The following ZDHHC7 variants were observed in gnomAD, a reference collection of about 807,000 sequenced individuals.
ZDHHC7 encodes the protein palmitoyltransferase ZDHHC7.
A neutral mutation model predicts 34.1 loss-of-function variants in ZDHHC7; 12 were observed. The observed-to-expected ratio is 0.35, with a 90% CI of 0.23 to 0.57. ZDHHC7 has a LOEUF of 0.57. Ranked by LOEUF, ZDHHC7 falls within the 20% of genes least tolerant of loss-of-function variation. The pLI is 0.84. For synonymous variants in ZDHHC7, 185 were observed against 155.4 expected, an observed-to-expected ratio of 1.19 and a Z score of -1.42; for missense variants, 388 against 402.7, an observed-to-expected ratio of 0.96 and a Z score of 0.31.
Position 84,992,245 on chromosome 16 carries a change from G to A in ZDHHC7, c.-17-1610C>T, listed in dbSNP as rs367651615. Reference sequence around the variant, plus strand: ...AGCGCTTTCAGAGGCAGAGGCCGGTGGATCACGAGGTTACAAGTTCAAGAC... The same window carrying A: ...AGCGCTTTCAGAGGCAGAGGCCGGTAGATCACGAGGTTACAAGTTCAAGAC... On this transcript the variant is annotated intron_variant, in intron 2 of 7. Transcript: ENST00000313732. 1.7e-3 allele frequency among the ~76,000 whole-genome samples: 256 copies of A among 152,010 alleles called. 1 individual carries two copies. Among genetic ancestry groups the A allele is most frequent in the African/African-American group, 5.9e-3 (245 of 41,476 alleles).
chr16:85,025,448 C>T, the ZDHHC7 span, among the ~76,000 whole-genome samples: 9 of 151,958 alleles, frequency 5.9e-5, no homozygotes, highest in South Asian at 4.2e-4. Context: ...CTCACTCCGT[C>T]GACAGGCTGG....
chr16:84,990,760 G>A (rs2072499541), intron 2 of ZDHHC7, 125 bp from the exon 3 acceptor site: 2 of 753,036 alleles, frequency 2.7e-6, no homozygotes, highest in South Asian at 1.9e-5. Context: ...TAGTGGGAAA[G>A]AACATAAAAA....
At chr16:84,980,281 CT>C (rs111644048) in intron 4 of ZDHHC7, among the ~76,000 whole-genome samples, 6,934 of 151,906 alleles carry the variant, frequency 0.046, 519 homozygotes, top group African/African-American at 0.16. Flanking sequence ...TCACCTTCTT[CT>C]TATTCATTGA....
intron 3 of ZDHHC7, among the ~76,000 whole-genome samples, chr16:84,982,416 G>T (rs2072382821): frequency 6.6e-6 from 1 of 151,358 alleles, no homozygotes; most frequent in South Asian, 2.1e-4. Context: ...TTATCCTTTT[G>T]ATAAATGGCT....
At chr16:84,989,222 T>A (rs1364949714) in intron 3 of ZDHHC7, among the ~76,000 whole-genome samples, 1 of 152,252 alleles carries the variant, frequency 6.6e-6, no homozygotes, top group Non-Finnish European at 1.5e-5. Context: ...AGCTGCCCTC[T>A]GGTTGGGCCT....
At chr16:85,010,052 T>TG (rs2072770608) in intron 1 of ZDHHC7, among the ~76,000 whole-genome samples, 1 of 151,074 alleles carries the variant, frequency 6.6e-6, no homozygotes, top group African/African-American at 2.4e-5. Context: ...TGACTTTTTT[T>TG]TTTTTTTTGA....
chr16:85,004,405 G>A (rs1200349757), intron 1 of ZDHHC7, among the ~76,000 whole-genome samples: 1 of 152,058 alleles, frequency 6.6e-6, no homozygotes, highest in Non-Finnish European at 1.5e-5. Flanking sequence ...TCATGCCTCT[G>A]CTCACCCAAC....
chr16:85,027,260 CATTT>C, the ZDHHC7 span, among the ~76,000 whole-genome samples: 20 of 151,996 alleles, frequency 1.3e-4, no homozygotes, highest in East Asian at 1.2e-3. Context: ...ATTTTTATAC[CATTT>C]ATTTATTATT....
At chr16:84,994,886 C>T (rs1369321746) in intron 2 of ZDHHC7, among the ~76,000 whole-genome samples, 2 of 152,174 alleles carry the variant, frequency 1.3e-5, no homozygotes, top group African/African-American at 4.8e-5. Flanking sequence ...AAATACAGCT[C>T]TCAGTAACAC....
upstream of ZDHHC7, among the ~76,000 whole-genome samples, chr16:85,015,913 A>C (rs2072832186): frequency 6.6e-6 from 1 of 152,106 alleles, no homozygotes; most frequent in East Asian, 1.9e-4. Context: ...TGATGCTATA[A>C]TAGAGTCAGG....
chr16:85,026,786 G>A, the ZDHHC7 span, among the ~76,000 whole-genome samples: 1 of 151,932 alleles, frequency 6.6e-6, no homozygotes, highest in Non-Finnish European at 1.5e-5. Flanking sequence ...GACAGAGCTT[G>A]ATCATTTAAG....
chr16:84,988,679 A>C lies in ZDHHC7; in HGVS notation c.315+1625T>G, dbSNP rs996479744. On this transcript the variant is annotated intron_variant, in intron 3 of 7. Coordinates refer to ENST00000313732, the MANE Select transcript of ZDHHC7 (RefSeq NM_017740.3). ...TCTGAGCGCAGAGGAGGAAGGGGCA[A>C]GTGCGCTTGTCAGCAAAGAGGAGCA... 3 of 1,197,296 alleles carry C rather than the reference A, an allele frequency of 2.5e-6. No individual in the cohort carries two copies. In the African/African-American group the frequency reaches 4.5e-5, roughly 18 times the overall value. The allele number at this position is 1,197,296 out of a possible 1,614,324, so 74.2% of individuals were successfully genotyped here.
At position 84,976,335 on chromosome 16, in the gene ZDHHC7, G is replaced by A. The variant is rs763645293; in HGVS notation, c.*8C>T. On this transcript the variant is annotated 3_prime_UTR_variant, in exon 8 of 8. Coordinates refer to ENST00000313732, the MANE Select transcript of ZDHHC7 (RefSeq NM_017740.3). Reference sequence around the variant, plus strand: ...CTGTGAGCAAGTTTCAGTCTGATGAGCCACGCCTCACACTGAGAACTCCGG... The same window carrying A: ...CTGTGAGCAAGTTTCAGTCTGATGAACCACGCCTCACACTGAGAACTCCGG... 3 of 1,613,250 alleles carry A rather than the reference G, an allele frequency of 1.9e-6. No homozygotes were observed. The East Asian group carries it at 6.7e-5, about 36-fold the overall frequency.
At chr16:85,001,111 C>T (rs987197621) in intron 1 of ZDHHC7, among the ~76,000 whole-genome samples, 1 of 152,112 alleles carries the variant, frequency 6.6e-6, no homozygotes, top group African/African-American at 2.4e-5. Context: ...GCTAAGAAAC[C>T]TGGAACTCTA....
chr16:84,999,763 T>A (rs1035672298), intron 1 of ZDHHC7, among the ~76,000 whole-genome samples: 6 of 152,082 alleles, frequency 3.9e-5, no homozygotes, highest in African/African-American at 1.4e-4. Context: ...CATGCCTGTA[T>A]CTTGAGAGGG....
At chr16:85,024,232 T>G in the ZDHHC7 span, among the ~76,000 whole-genome samples, 2 of 144,646 alleles carry the variant, frequency 1.4e-5, no homozygotes, top group Non-Finnish European at 3.0e-5. Flanking sequence ...AGTTTTTTGT[T>G]TTTTTTTTTT....
chr16:85,027,588 C>A, the ZDHHC7 span, among the ~76,000 whole-genome samples: 8 of 152,204 alleles, frequency 5.3e-5, no homozygotes, highest in African/African-American at 1.9e-4. Flanking sequence ...GCCGGGCGTA[C>A]CCGAGAGCGC....
Position 84,974,288 on chromosome 16 carries a change from T to C in ZDHHC7, c.*2055A>G, listed in dbSNP as rs556133038. The stretch of plus-strand genomic sequence containing the variant: ...AAGCAACAGTACTCACTGGGCAACA[T>C]TTGTGAGTCGCGCTTGAGTGCCCAG... On this transcript the variant is annotated 3_prime_UTR_variant, in exon 8 of 8. Coordinates refer to ENST00000313732, the MANE Select transcript of ZDHHC7 (RefSeq NM_017740.3). 2 of 152,114 alleles carry C rather than the reference T, an allele frequency of 1.3e-5. No individual in the cohort carries two copies. The highest frequency in any genetic ancestry group is 2.9e-5 in the Non-Finnish European group (2 of 68,024). The allele number at this position is 152,114 out of a possible 1,614,324, so 9.4% of individuals were successfully genotyped here. A position where few individuals can be genotyped will look rare whatever the true frequency, so the allele number is the denominator to read the frequency against.
Position 84,977,199 on chromosome 16 carries a change from T to A in ZDHHC7, c.646A>T (p.Thr216Ser). Reference sequence around the variant, plus strand: ...CACAGGAAGATCAACAGGATTACAGTTATCGGAGGTGAAAAATCACTGCAT... The same window carrying A: ...CACAGGAAGATCAACAGGATTACAGATATCGGAGGTGAAAAATCACTGCAT... ...TECSDFSPPI[T>S]VILLIFLCLE... Residue 216 changes from threonine to serine, a missense_variant, in exon 7 of 8, where the codon ACT (threonine) becomes TCT (serine). Coordinates refer to ENST00000313732, the MANE Select transcript of ZDHHC7 (RefSeq NM_017740.3). The A allele has an allele frequency of 6.2e-7, 1 of 1,614,030 alleles. No individual in the cohort carries two copies. The highest frequency in any genetic ancestry group is 8.5e-7 in the Non-Finnish European group (1 of 1,179,970).
Sources: allele counts gnomAD v4.1 joint callset (sites outside exome capture counted in the v4.1 genomes callset), GRCh38; gene constraint gnomAD v4.1.1; transcripts MANE v1.5; gene names NCBI Gene and HGNC (gene_info 2026-07-23, HGNC 2026-07-21).